MARCHF1: variants seen among roughly 807,000 people sequenced by gnomAD.
The protein encoded by MARCHF1 is membrane associated ring-CH-type finger 1.
Under a neutral mutation model 54.2 loss-of-function variants are expected in MARCHF1, and 40 were observed. That is an observed-to-expected ratio of 0.74 (90% CI 0.57 to 0.96). The LOEUF (loss-of-function observed/expected upper bound fraction) is 0.96, where lower values mean the gene tolerates loss of function less well. Ranked by LOEUF, MARCHF1 falls within the 40% of genes least tolerant of loss-of-function variation. The pLI, the probability that MARCHF1 is intolerant of heterozygous loss-of-function variation, is 0.00. For missense variants in MARCHF1, 586 were observed against 656.5 expected (o/e 0.89, Z 1.17); for synonymous variants, 236 against 236.3 (o/e 1.00, Z 0.01).
chr4:163,790,717 G>T (rs190824047), intron 4 of MARCHF1, among the ~76,000 whole-genome samples: 2 of 152,164 alleles, frequency 1.3e-5, no homozygotes, highest in Non-Finnish European at 2.9e-5. Context: ...AAATGCTGGG[G>T]CCTGGAGGTG....
At chr4:164,100,049 G>A (rs1046359628) in intron 2 of MARCHF1, among the ~76,000 whole-genome samples, 6 of 152,064 alleles carry the variant, frequency 3.9e-5, no homozygotes, top group Non-Finnish European at 5.9e-5. Flanking sequence ...CTCTCTAACT[G>A]ACAAGAAACT....
intron 3 of MARCHF1, among the ~76,000 whole-genome samples, chr4:163,927,229 A>T (rs1751557720): frequency 1.3e-5 from 2 of 151,852 alleles, no homozygotes; most frequent in South Asian, 4.1e-4. Context: ...TGTCATTCCT[A>T]CTACTAGTTA....
At chr4:164,028,972 A>C (rs1346747822) in intron 2 of MARCHF1, among the ~76,000 whole-genome samples, 1 of 152,196 alleles carries the variant, frequency 6.6e-6, no homozygotes, top group Admixed American at 6.5e-5. Context: ...AACTTTACAA[A>C]GTGATATATT....
At chr4:164,184,543 C>T (rs1730917759) in intron 1 of MARCHF1, among the ~76,000 whole-genome samples, 1 of 152,124 alleles carries the variant, frequency 6.6e-6, no homozygotes, top group South Asian at 2.1e-4. Flanking sequence ...AAGGGTTATA[C>T]CAGTTAAATA....
intron 3 of MARCHF1, among the ~76,000 whole-genome samples, chr4:163,876,212 C>G (rs1205197831): frequency 3.3e-5 from 5 of 152,118 alleles, no homozygotes; most frequent in Non-Finnish European, 7.4e-5. Flanking sequence ...ACTATATCCA[C>G]CTCAATATAC....
chr4:163,990,487 T>C (rs1752951151), intron 2 of MARCHF1, among the ~76,000 whole-genome samples: 4 of 152,188 alleles, frequency 2.6e-5, no homozygotes, highest in Admixed American at 1.3e-4. Flanking sequence ...CTTAAAATAG[T>C]TTTAAAAAAT....
chr4:163,570,899 A>T lies in MARCHF1; in HGVS notation c.1191+14850T>A, dbSNP rs1474968706. 2.6e-5 allele frequency among the ~76,000 whole-genome samples: 4 copies of T among 152,040 alleles called. No homozygotes were observed. In the South Asian group the frequency reaches 8.3e-4, roughly 32 times the overall value. ...TCAGTACTGTTATCTGCTATTTTTC[A>T]TCATAAAACAAGATCTCTTCATTCA... On this transcript the variant is annotated intron_variant, in intron 8 of 9. Transcript: ENST00000514618.
chr4:163,758,745 T>C (rs1163539109), intron 4 of MARCHF1, among the ~76,000 whole-genome samples: 12 of 152,216 alleles, frequency 7.9e-5, no homozygotes, highest in Admixed American at 7.9e-4. Context: ...CTGAATAACG[T>C]GGGCTTGGTT....
At chr4:164,248,581 T>A (rs1289731408) in intron 1 of MARCHF1, among the ~76,000 whole-genome samples, 1 of 152,072 alleles carries the variant, frequency 6.6e-6, no homozygotes, top group East Asian at 1.9e-4. Context: ...AATTTTCATA[T>A]CCACAAGAAT....
At chr4:163,632,295 C>T (rs534877524) in intron 5 of MARCHF1, among the ~76,000 whole-genome samples, 9 of 152,170 alleles carry the variant, frequency 5.9e-5, no homozygotes, top group African/African-American at 1.2e-4. Context: ...GCCTGAGCGA[C>T]GCAGAAGACG....
At chr4:164,277,290 C>G (rs1385479999) in intron 1 of MARCHF1, among the ~76,000 whole-genome samples, 1 of 152,124 alleles carries the variant, frequency 6.6e-6, no homozygotes, top group Non-Finnish European at 1.5e-5. Flanking sequence ...AAACAGTGGG[C>G]ATGTAATGAA....
intron 1 of MARCHF1, among the ~76,000 whole-genome samples, chr4:164,366,026 ACTCT>A (rs1207321446): frequency 6.6e-6 from 1 of 151,922 alleles, no homozygotes; most frequent in Non-Finnish European, 1.5e-5. Flanking sequence ...AAGTTGCAAG[ACTCT>A]CTGTGTATTT....
chr4:164,145,091 C>T (rs1408156659), intron 1 of MARCHF1, among the ~76,000 whole-genome samples: 5 of 145,546 alleles, frequency 3.4e-5, no homozygotes, highest in Admixed American at 1.4e-4. Context: ...ATACATTCCT[C>T]GACACATACA....
rs990285115 is a variant in MARCHF1, at chr4:163,561,637, AT to A, written c.1192-15895del. ...GGTATCAGCTATTGTTTAAATTTTCATTTTTTTCACATTTATAAGAAATGTG... is the reference window on the plus strand; with the variant it reads ...GGTATCAGCTATTGTTTAAATTTTCATTTTTTCACATTTATAAGAAATGTG... On this transcript the variant is annotated intron_variant, in intron 8 of 9. Coordinates refer to ENST00000514618, the MANE Select transcript of MARCHF1 (RefSeq NM_001394959.1). 2.6e-5 allele frequency among the ~76,000 whole-genome samples: 4 copies of A among 152,238 alleles called. No homozygotes were observed. In the East Asian group the frequency reaches 7.7e-4, roughly 29 times the overall value.
In MARCHF1 at chr4:163,585,865, G is replaced by T. The variant is rs781355369; in HGVS notation, c.1075C>A (p.Leu359Met). 6.2e-7 allele frequency: 1 copy of T among 1,613,996 alleles called. No homozygotes were observed. The highest frequency in any genetic ancestry group is 1.1e-5 in the South Asian group (1 of 91,074). ...AGGCAGGACTGGTGGACAAAGCGCAGTGTCCCAGTGCAGCGACAGGGTGTG... is the reference window on the plus strand; with the variant it reads ...AGGCAGGACTGGTGGACAAAGCGCATTGTCCCAGTGCAGCGACAGGGTGTG... ...LITPCRCTGTLRFVHQSCLHQ... is the reference protein window; with the variant it reads ...LITPCRCTGTMRFVHQSCLHQ... Residue 359 changes from leucine (L) to methionine (M), a missense_variant, in exon 8 of 10, where the codon CTG becomes ATG. Leu to Met is a conservative substitution (Grantham distance 15). This residue lies in a region of MARCHF1 where 93 missense variants were observed against 168.2 expected (regional missense o/e 0.55). Transcript: ENST00000514618.
At chr4:163,597,277 C>T (rs1740807765) in intron 7 of MARCHF1, among the ~76,000 whole-genome samples, 1 of 152,032 alleles carries the variant, frequency 6.6e-6, no homozygotes, top group Admixed American at 6.6e-5. Flanking sequence ...TTATTTACCT[C>T]TCAAATAGGA....
intron 5 of MARCHF1, among the ~76,000 whole-genome samples, chr4:163,651,214 T>C (rs887604643): frequency 3.9e-5 from 6 of 151,962 alleles, no homozygotes; most frequent in African/African-American, 1.4e-4. Flanking sequence ...TTCATTGTTA[T>C]GTTTTTGGAT....
chr4:163,750,529 T>TAAAC (rs1746492302), intron 4 of MARCHF1, among the ~76,000 whole-genome samples: 2 of 149,808 alleles, frequency 1.3e-5, no homozygotes, highest in Non-Finnish European at 3.0e-5. Flanking sequence ...AATAAATAAA[T>TAAAC]AAATAAATAA....
At chr4:164,138,271 C>A (rs186139989) in intron 1 of MARCHF1, among the ~76,000 whole-genome samples, 16 of 143,720 alleles carry the variant, frequency 1.1e-4, no homozygotes, top group African/African-American at 4.1e-4. Context: ...TTTTTTTAAT[C>A]CTGGAAAATA....
Sources: gnomAD v4.1 joint callset for allele counts (sites outside exome capture counted in the v4.1 genomes callset) on GRCh38, gnomAD v4.1.1 for gene constraint, gnomAD v4.1.1 regional missense constraint, MANE v1.5 for transcripts, NCBI Gene and HGNC (gene_info 2026-07-23, HGNC 2026-07-21) for gene names.